The following RPTOR variants were observed in gnomAD, a reference collection of about 807,000 sequenced individuals.
RPTOR encodes the protein regulatory associated protein of MTOR complex 1.
In RPTOR, 21 loss-of-function variants were observed where a neutral mutation model predicts 169.9. That is an observed-to-expected ratio of 0.12 (90% CI 0.09 to 0.18). The LOEUF is 0.18. Among genes scored for constraint, RPTOR ranks in the 10% least tolerant of loss-of-function variants. RPTOR has a pLI of 1.00. For missense variants in RPTOR, 1,133 were observed against 1,855.9 expected (o/e 0.61, Z 7.16); for synonymous variants, 732 against 753.2 (o/e 0.97, Z 0.46).
chr17:80,818,029 C>T (rs959013189), intron 7 of RPTOR, among the ~76,000 whole-genome samples: 2 of 152,192 alleles, frequency 1.3e-5, no homozygotes, highest in Non-Finnish European at 2.9e-5. Flanking sequence ...GGAGATAAAC[C>T]CTCCTGCCAA....
chr17:80,630,865 A>G (rs1236763066), intron 2 of RPTOR, among the ~76,000 whole-genome samples: 2 of 151,986 alleles, frequency 1.3e-5, no homozygotes, highest in African/African-American at 4.8e-5. Flanking sequence ...CTCCTGGCAC[A>G]GGATTTCCAT....
At chr17:80,594,863 C>T (rs1267245309) in intron 1 of RPTOR, among the ~76,000 whole-genome samples, 2 of 152,304 alleles carry the variant, frequency 1.3e-5, no homozygotes, top group East Asian at 3.9e-4. Context: ...ACCCCTGCAA[C>T]ATCTGTTCTT....
intron 1 of RPTOR, chr17:80,602,528 G>T: frequency 2.1e-6 from 1 of 476,796 alleles, no homozygotes. Context: ...AACTTTATTT[G>T]ATGTATTTGA....
At chr17:80,890,405 G>A (rs2068306092) in intron 17 of RPTOR, among the ~76,000 whole-genome samples, 1 of 152,264 alleles carries the variant, frequency 6.6e-6, no homozygotes, top group African/African-American at 2.4e-5. Context: ...AGGGAAGGCA[G>A]CGGGGGTTCT....
At chr17:80,635,326 T>A (rs2065497722) in intron 2 of RPTOR, among the ~76,000 whole-genome samples, 1 of 152,200 alleles carries the variant, frequency 6.6e-6, no homozygotes, top group South Asian at 2.1e-4. Flanking sequence ...CCAGTGTGGC[T>A]CCCATCATCC....
intron 1 of RPTOR, among the ~76,000 whole-genome samples, chr17:80,578,274 TG>T (rs1457787491): frequency 6.6e-6 from 1 of 152,176 alleles, no homozygotes; most frequent in African/African-American, 2.4e-5. Flanking sequence ...GGCACTGCTT[TG>T]GTCCTGAGTT....
Position 80,845,813 on chromosome 17 carries a change from C to T in RPTOR, c.1213-660C>T, listed in dbSNP as rs909414045. On this transcript the variant is annotated intron_variant, in intron 10 of 33. Transcript: ENST00000306801. The surrounding 1 kb of genome is among the most constrained non-coding windows in gnomAD (Gnocchi z 5.4). ...GCTGCGCTTTTGCCCAACTCCAGAGCGTTCTTGCTGCTGATCCGGGGCCCA... is the reference window on the plus strand; with the variant it reads ...GCTGCGCTTTTGCCCAACTCCAGAGTGTTCTTGCTGCTGATCCGGGGCCCA... Among the ~76,000 whole-genome samples, 1 of 152,224 alleles carries T rather than the reference C, an allele frequency of 6.6e-6. No homozygotes were observed. Among genetic ancestry groups the T allele is most frequent in the Non-Finnish European group, 1.5e-5 (1 of 68,040 alleles).
chr17:80,577,768 C>T (rs796349789), intron 1 of RPTOR, among the ~76,000 whole-genome samples: 4 of 152,168 alleles, frequency 2.6e-5, no homozygotes, highest in African/African-American at 7.2e-5. Context: ...CCATTCTCTT[C>T]GAAGGGCCTT....
At chr17:80,879,319 G>A (rs1481009315) in intron 13 of RPTOR, among the ~76,000 whole-genome samples, 1 of 150,746 alleles carries the variant, frequency 6.6e-6, no homozygotes, top group Non-Finnish European at 1.5e-5. Context: ...GCTCCTGCTG[G>A]GCTCTGCAGC....
At chr17:80,807,281 A>C (rs1427631902) in intron 7 of RPTOR, among the ~76,000 whole-genome samples, 1 of 152,196 alleles carries the variant, frequency 6.6e-6, no homozygotes, top group Non-Finnish European at 1.5e-5. Context: ...ATTTGGGTTT[A>C]AGTCTGCCTC....
chr17:80,676,414 A>G (rs2065861591), intron 3 of RPTOR, among the ~76,000 whole-genome samples: 1 of 152,244 alleles, frequency 6.6e-6, no homozygotes, highest in South Asian at 2.1e-4. Flanking sequence ...AGAAACCAGC[A>G]GCTCTTCTGT....
Position 80,591,124 on chromosome 17 carries a change from G to T in RPTOR, c.163-34567G>T, listed in dbSNP as rs1024954320. 2.2e-5 allele frequency among the ~76,000 whole-genome samples: 3 copies of T among 135,854 alleles called. No individual in the cohort carries two copies. In the East Asian group the frequency reaches 6.7e-4, roughly 30 times the overall value. 89.1% of individuals were successfully genotyped at this position (135,854 alleles called of 152,430 possible). The stretch of plus-strand genomic sequence containing the variant: ...TCTCTCTTTTAGAATTCTGTACCGT[G>T]GTTTTGCCTGCCTGCCTGCCCAGCC... On this transcript the variant is annotated intron_variant, in intron 1 of 33. Transcript: ENST00000306801.
At chr17:80,729,389 G>A (rs914432805) in intron 4 of RPTOR, among the ~76,000 whole-genome samples, 2 of 152,180 alleles carry the variant, frequency 1.3e-5, no homozygotes, top group African/African-American at 4.8e-5. Flanking sequence ...AATAATGAAC[G>A]TGTTCTGTGG....
chr17:80,747,451 C>T (rs1460403594), intron 5 of RPTOR, among the ~76,000 whole-genome samples: 3 of 152,200 alleles, frequency 2.0e-5, no homozygotes, highest in Non-Finnish European at 4.4e-5. Flanking sequence ...CATCAACGTA[C>T]TTTGGGGGGC....
At chr17:80,897,959 A>T (rs1181572819) in intron 20 of RPTOR, among the ~76,000 whole-genome samples, 1 of 152,176 alleles carries the variant, frequency 6.6e-6, no homozygotes, top group Non-Finnish European at 1.5e-5. Context: ...CTGTCCAAAA[A>T]AACTGGCTCA....
Position 80,757,120 on chromosome 17 carries a change from C to A in RPTOR, c.830+2935C>A, listed in dbSNP as rs117827047. Among the ~76,000 whole-genome samples, 1,168 of 152,222 alleles carry A rather than the reference C, an allele frequency of 7.7e-3. 5 individuals are homozygous for A. Among genetic ancestry groups the A allele is most frequent in the Non-Finnish European group, 0.012 (811 of 68,016 alleles). On this transcript the variant is annotated intron_variant, in intron 6 of 33. Coordinates refer to ENST00000306801, the MANE Select transcript of RPTOR (RefSeq NM_020761.3). ...TGGGAAACAGAAAAGCCAGGAGATG[C>A]AGAGAAGGGAAATAGAGGCCCCAGT... is the stretch of plus-strand genomic sequence containing the variant.
chr17:80,647,008 C>T (rs779716631), intron 3 of RPTOR, among the ~76,000 whole-genome samples: 6 of 152,112 alleles, frequency 3.9e-5, no homozygotes, highest in South Asian at 2.1e-4. Flanking sequence ...GGTGCTGGAA[C>T]GCTTGGACTT....
At chr17:80,828,205 T>C (rs2067465615) in intron 9 of RPTOR, among the ~76,000 whole-genome samples, 1 of 152,166 alleles carries the variant, frequency 6.6e-6, no homozygotes, top group Non-Finnish European at 1.5e-5. Context: ...ACGAGTCTGA[T>C]CAGGCAGAGA....
At chr17:80,767,281 G>A (rs1164393029) in intron 6 of RPTOR, among the ~76,000 whole-genome samples, 1 of 152,186 alleles carries the variant, frequency 6.6e-6, no homozygotes, top group Admixed American at 6.5e-5. Flanking sequence ...TGAGGTGGGA[G>A]GATCACTGGG....
Sources: allele counts gnomAD v4.1 joint callset (sites outside exome capture counted in the v4.1 genomes callset), GRCh38; gene constraint gnomAD v4.1.1; non-coding constraint Gnocchi (gnomAD v3.1); transcripts MANE v1.5; gene names NCBI Gene and HGNC (gene_info 2026-07-23, HGNC 2026-07-21).